BCL2: variants seen among roughly 807,000 people sequenced by gnomAD.
BCL2 encodes apoptosis regulator Bcl-2.
Under a neutral mutation model 14.2 loss-of-function variants are expected in BCL2, and 1 was observed. That is an observed-to-expected ratio of 0.07 (90% CI 0.02 to 0.33). The LOEUF is 0.33. Ranked by LOEUF, BCL2 falls within the 10% of genes least tolerant of loss-of-function variation. The pLI is 0.99. For synonymous variants in BCL2, 151 were observed against 137.2 expected, an observed-to-expected ratio of 1.10 and a Z score of -0.70; for missense variants, 247 against 305.9, an observed-to-expected ratio of 0.81 and a Z score of 1.44.
chr18:63,190,076 TG>T (rs1909246945), intron 2 of BCL2, among the ~76,000 whole-genome samples: 1 of 152,174 alleles, frequency 6.6e-6, no homozygotes, highest in Non-Finnish European at 1.5e-5. Flanking sequence ...GCCCTGATCT[TG>T]GCATCATAAA....
intron 2 of BCL2, among the ~76,000 whole-genome samples, chr18:63,131,743 T>C (rs999489880): frequency 6.6e-6 from 1 of 152,222 alleles, no homozygotes; most frequent in African/African-American, 2.4e-5. Context: ...ATCCCTTTAG[T>C]AATCAACAGA....
chr18:63,256,646 G>A (rs913241612), intron 2 of BCL2, among the ~76,000 whole-genome samples: 2 of 152,194 alleles, frequency 1.3e-5, no homozygotes, highest in African/African-American at 4.8e-5. Flanking sequence ...AAGAATTTGT[G>A]AGCTAGCTCA....
At position 63,306,788 on chromosome 18, in the gene BCL2, A is replaced by G. The variant is rs531300558; in HGVS notation, c.585+11294T>C. Among the ~76,000 whole-genome samples, 76 of 151,886 alleles carry G rather than the reference A, an allele frequency of 5.0e-4. 2 individuals are homozygous for G. The South Asian group carries it at 0.016, about 31-fold the overall frequency. On this transcript the variant is annotated intron_variant, in intron 2 of 2. Transcript: ENST00000333681. ...GTCCAATCCATGGCAGGCTTTGAATACAGCCCAACACACATTTGTAAACTT... is the reference window on the plus strand; with the variant it reads ...GTCCAATCCATGGCAGGCTTTGAATGCAGCCCAACACACATTTGTAAACTT...
chr18:63,231,015 C>T (rs1413665026), intron 2 of BCL2, among the ~76,000 whole-genome samples: 1 of 151,864 alleles, frequency 6.6e-6, no homozygotes, highest in East Asian at 1.9e-4. Flanking sequence ...GTTTATCACA[C>T]AATAAATATA....
rs114034328 is a variant in BCL2 at position 63,238,760 on chromosome 18, G to A, written c.585+79322C>T. ...TACTTGTCAGTAAATGCCTTGAAAT[G>A]TGTTCTTCCTACGCAGAGGGCTGGG... On this transcript the variant is annotated intron_variant, in intron 2 of 2. Coordinates refer to ENST00000333681, the MANE Select transcript of BCL2 (RefSeq NM_000633.3). 4.6e-3 allele frequency among the ~76,000 whole-genome samples: 697 copies of A among 152,346 alleles called. 2 individuals are homozygous for A. The highest frequency in any genetic ancestry group is 0.016 in the African/African-American group (649 of 41,582).
intron 2 of BCL2, among the ~76,000 whole-genome samples, chr18:63,297,885 A>G (rs1406273849): frequency 6.6e-6 from 1 of 152,194 alleles, no homozygotes; most frequent in African/African-American, 2.4e-5. Context: ...GGCTGCTTCT[A>G]AAAGCCCAGG....
intron 2 of BCL2, among the ~76,000 whole-genome samples, chr18:63,272,313 G>A (rs75180623): frequency 6.6e-6 from 1 of 152,256 alleles, no homozygotes; most frequent in East Asian, 1.9e-4. Flanking sequence ...AGGGATCAGC[G>A]GCTAAGACAC....
At chr18:63,311,746 C>T (rs78246962) in intron 2 of BCL2, among the ~76,000 whole-genome samples, 2,030 of 152,320 alleles carry the variant, frequency 0.013, 18 homozygotes, top group Non-Finnish European at 0.02. Flanking sequence ...CAGGTGTCTT[C>T]CACAGTTAAC....
Position 63,128,885 on chromosome 18 carries a change from A to G in BCL2, c.586-126T>C, listed in dbSNP as rs941355991. On this transcript the variant is annotated intron_variant, in intron 2 of 2. Coordinates refer to ENST00000333681, the MANE Select transcript of BCL2 (RefSeq NM_000633.3). The stretch of plus-strand genomic sequence containing the variant: ...GGCACCTTCAGAAGGGTGAGAGGGG[A>G]AAAGGCAAATGCTCTTTGGAGGCCA... 9 of 589,054 alleles carry G rather than the reference A, an allele frequency of 1.5e-5. No homozygotes were observed. The African/African-American group carries it at 1.7e-4, about 11-fold the overall frequency. 36.5% of individuals were successfully genotyped at this position (589,054 alleles called of 1,614,324 possible).
At chr18:63,219,819 A>C (rs1459800806) in intron 2 of BCL2, among the ~76,000 whole-genome samples, 2 of 152,202 alleles carry the variant, frequency 1.3e-5, no homozygotes, top group South Asian at 2.1e-4. Context: ...AGGCCACCAA[A>C]TACACCATTA....
At chr18:63,196,652 C>T (rs1909454552) in intron 2 of BCL2, among the ~76,000 whole-genome samples, 1 of 152,090 alleles carries the variant, frequency 6.6e-6, no homozygotes, top group East Asian at 1.9e-4. Flanking sequence ...GCTCACTTAA[C>T]TCAGGCATCA....
intron 2 of BCL2, among the ~76,000 whole-genome samples, chr18:63,239,845 C>A (rs1599263193): frequency 6.6e-6 from 1 of 152,210 alleles, no homozygotes; most frequent in Middle Eastern, 3.4e-3. Context: ...GGGGCTGAAC[C>A]CTTAAAGGGG....
intron 2 of BCL2, among the ~76,000 whole-genome samples, chr18:63,313,038 T>C (rs1913383200): frequency 6.6e-6 from 1 of 152,226 alleles, no homozygotes; most frequent in African/African-American, 2.4e-5. Context: ...TGAACAGCCA[T>C]ATGGTCAGAA....
chr18:63,154,805 G>A (rs767893698), intron 2 of BCL2, among the ~76,000 whole-genome samples: 5 of 152,148 alleles, frequency 3.3e-5, no homozygotes, highest in Non-Finnish European at 7.3e-5. Context: ...GTTTTCCCAG[G>A]TTCTGATAGT....
At chr18:63,292,150 A>T (rs1309133103) in intron 2 of BCL2, among the ~76,000 whole-genome samples, 2 of 151,852 alleles carry the variant, frequency 1.3e-5, no homozygotes, top group South Asian at 2.1e-4. Flanking sequence ...AAACCTACAA[A>T]ATAGTTCACT....
intron 2 of BCL2, among the ~76,000 whole-genome samples, chr18:63,166,417 A>C (rs1915046010): frequency 1.3e-5 from 2 of 152,174 alleles, no homozygotes; most frequent in African/African-American, 4.8e-5. Flanking sequence ...GCATATCCTG[A>C]CTGGGGAACG....
At chr18:63,255,832 C>G (rs539532326) in intron 2 of BCL2, among the ~76,000 whole-genome samples, 40 of 151,864 alleles carry the variant, frequency 2.6e-4, no homozygotes, top group Middle Eastern at 3.4e-3. Context: ...AGCCCTCCCC[C>G]CCCGCCACAC....
At chr18:63,172,475 T>G (rs541941604) in intron 2 of BCL2, among the ~76,000 whole-genome samples, 3 of 152,202 alleles carry the variant, frequency 2.0e-5, no homozygotes, top group Non-Finnish European at 4.4e-5. Flanking sequence ...AGAGTAGGCA[T>G]CAAAATGGTA....
intron 2 of BCL2, among the ~76,000 whole-genome samples, chr18:63,226,081 G>A (rs369657171): frequency 2.6e-5 from 4 of 152,314 alleles, no homozygotes; most frequent in African/African-American, 7.2e-5. Flanking sequence ...AAAAGGGGAC[G>A]GGGATGGAAG....
Sources: gnomAD v4.1 joint callset for allele counts (sites outside exome capture counted in the v4.1 genomes callset) on GRCh38, gnomAD v4.1.1 for gene constraint, MANE v1.5 for transcripts, NCBI Gene and HGNC (gene_info 2026-07-23, HGNC 2026-07-21) for gene names.